The following ANXA13 variants were observed in gnomAD, a reference collection of about 807,000 sequenced individuals.
ANXA13 encodes annexin A13, also known as annexin XIII.
ANXA13 carries 36 observed loss-of-function variants against 46.6 expected under a neutral mutation model. The observed-to-expected ratio is 0.77, with a 90% CI of 0.59 to 1.02. The LOEUF (loss-of-function observed/expected upper bound fraction) is 1.02, where lower values mean the gene tolerates loss of function less well. Among genes scored for constraint, ANXA13 ranks in the 50% least tolerant of loss-of-function variants. The pLI, the probability that ANXA13 is intolerant of heterozygous loss-of-function variation, is 0.00. For missense variants in ANXA13, 417 were observed against 396.5 expected (o/e 1.05, Z -0.44); for synonymous variants, 163 against 152.9 (o/e 1.07, Z -0.49).
chr8:123,689,443 G>C (rs1034890414), intron 8 of ANXA13, among the ~76,000 whole-genome samples: 2 of 151,918 alleles, frequency 1.3e-5, no homozygotes, highest in Non-Finnish European at 2.9e-5. Context: ...CTTAGTCACA[G>C]TTTGAGTGAA....
chr8:123,684,508 T>G, intron 10 of ANXA13, 102 bp downstream of exon 10: 2 of 792,458 alleles, frequency 2.5e-6, no homozygotes, highest in East Asian at 2.5e-5. Context: ...CTGTTTTACT[T>G]TTTCTGTAAA....
intron 1 of ANXA13, among the ~76,000 whole-genome samples, chr8:123,714,858 G>A (rs1425145057): frequency 6.6e-6 from 1 of 152,228 alleles, no homozygotes; most frequent in Non-Finnish European, 1.5e-5. Flanking sequence ...GGCATTACTA[G>A]TCTGCCTTCC....
intron 1 of ANXA13, among the ~76,000 whole-genome samples, chr8:123,734,561 G>C (rs1289959373): frequency 6.6e-6 from 1 of 151,966 alleles, no homozygotes; most frequent in Non-Finnish European, 1.5e-5. Context: ...ATTGAGGATA[G>C]CACAAAAGTA....
chr8:123,702,629 C>T lies in ANXA13; in HGVS notation c.186+13G>A. ...TGGCTGGGTGCAAGCTTGCTGACCA[C>T]CCCTGGAATCACCTTGCCGTACGTT... On this transcript the variant is annotated intron_variant, in intron 3 of 10. Transcript: ENST00000419625. The T allele has an allele frequency of 6.2e-7, 1 of 1,611,806 alleles. No individual in the cohort carries two copies. The highest frequency in any genetic ancestry group is 8.5e-7 in the Non-Finnish European group (1 of 1,177,908).
Position 123,698,401 on chromosome 8 carries a change from C to T in ANXA13, c.345G>A (p.Thr115=), listed in dbSNP as rs200326565. 29 of 1,614,086 alleles carry T rather than the reference C, an allele frequency of 1.8e-5. No individual in the cohort carries two copies. Among genetic ancestry groups the T allele is most frequent in the East Asian group, 1.1e-4 (5 of 44,872 alleles). The part of the protein sequence containing the change: ...DESVLIEVLC[T]RTNKEIIAIK... ...AGCTGGGACTGACCTTATTGGTCCT[C>T]GTGCACAGGACCTCAATGAGGACGG... The change falls in exon 4 of 11, where the codon ACG becomes ACA. Residue 115 remains threonine (T), a synonymous_variant. Transcript: ENST00000419625.
intron 1 of ANXA13, among the ~76,000 whole-genome samples, chr8:123,720,997 C>A (rs950055949): frequency 7.9e-5 from 12 of 152,154 alleles, no homozygotes; most frequent in Non-Finnish European, 1.5e-5. Flanking sequence ...TCTTGCGTAA[C>A]CAAAACTTTG....
At position 123,684,518 on chromosome 8, in the gene ANXA13, A is replaced by C. The variant is rs74803977; in HGVS notation, c.831+92T>G. 3.5e-6 allele frequency: 3 copies of C among 863,750 alleles called. No homozygotes were observed. The African/African-American group carries it at 5.1e-5, about 15-fold the overall frequency. 53.5% of individuals were successfully genotyped at this position (863,750 alleles called of 1,614,324 possible). A position where few individuals can be genotyped will look rare whatever the true frequency, so the allele number is the denominator to read the frequency against. On this transcript the variant is annotated intron_variant, in intron 10 of 10. Coordinates refer to ENST00000419625, the MANE Select transcript of ANXA13 (RefSeq NM_004306.4). ...CGTCTCTGTTTTACTTTTTCTGTAA[A>C]TAGGCCCTTAATAGAAACTATTTGT...
At chr8:123,705,595 C>T (rs1327811329) in intron 2 of ANXA13, among the ~76,000 whole-genome samples, 1 of 152,220 alleles carries the variant, frequency 6.6e-6, no homozygotes, top group African/African-American at 2.4e-5. Context: ...GAGCCCGACA[C>T]CTGGGCTCTA....
intron 1 of ANXA13, among the ~76,000 whole-genome samples, chr8:123,732,372 T>A (rs1814134946): frequency 6.6e-6 from 1 of 152,226 alleles, no homozygotes; most frequent in East Asian, 1.9e-4. Context: ...GCCCACAGTC[T>A]AGTAAGCACT....
Position 123,690,467 on chromosome 8 carries a change from A to G in ANXA13, c.643-1521T>C, listed in dbSNP as rs1285507181. ...CAGGAGGCGCTATTCACACACTGCA[A>G]CAAGAAGGTACTGCCCTGTCTGCTT... On this transcript the variant is annotated intron_variant, in intron 8 of 10. Coordinates refer to ENST00000419625, the MANE Select transcript of ANXA13 (RefSeq NM_004306.4). The surrounding 1 kb of genome is among the most constrained non-coding windows in gnomAD (Gnocchi z 4.6). Among the ~76,000 whole-genome samples the G allele has an allele frequency of 6.6e-6, 1 of 152,174 alleles. No homozygotes were observed. Among genetic ancestry groups the G allele is most frequent in the Non-Finnish European group, 1.5e-5 (1 of 68,028 alleles).
chr8:123,709,308 T>TCTCC (rs1352851434), intron 2 of ANXA13, among the ~76,000 whole-genome samples: 3 of 152,092 alleles, frequency 2.0e-5, no homozygotes, highest in African/African-American at 7.2e-5. Flanking sequence ...GCACATTCAC[T>TCTCC]CTCCCTCCCT....
chr8:123,692,535 A>T (rs1372800970), intron 8 of ANXA13, among the ~76,000 whole-genome samples: 1 of 152,202 alleles, frequency 6.6e-6, no homozygotes. Flanking sequence ...GCTTAAATTT[A>T]TCCTGGGATT....
intron 2 of ANXA13, among the ~76,000 whole-genome samples, chr8:123,703,517 T>G (rs1395322689): frequency 6.6e-6 from 1 of 152,192 alleles, no homozygotes; most frequent in African/African-American, 2.4e-5. Context: ...ATATCTCAAT[T>G]AAAATGTTTT....
intron 6 of ANXA13, 131 bp from the exon 7 acceptor site, chr8:123,693,910 G>A: frequency 2.5e-6 from 2 of 788,460 alleles, no homozygotes; most frequent in South Asian, 3.2e-5. Flanking sequence ...GCCTGGCAAG[G>A]AGGAAACACC....
chr8:123,690,575 G>C lies in ANXA13; in HGVS notation c.643-1629C>G, dbSNP rs1221269020. ...ACAATGGTCTGGCCCAAGCTGTTGG[G>C]ACTGTACTTTGGATACTTCTCACTT... is the stretch of plus-strand genomic sequence containing the variant. On this transcript the variant is annotated intron_variant, in intron 8 of 10. Transcript: ENST00000419625. The surrounding 1 kb of genome is among the most constrained non-coding windows in gnomAD (Gnocchi z 4.6). Among the ~76,000 whole-genome samples the C allele has an allele frequency of 6.6e-6, 1 of 152,212 alleles. No individual in the cohort carries two copies. The highest frequency in any genetic ancestry group is 1.9e-4 in the East Asian group (1 of 5,202).
intron 6 of ANXA13, 25 bp downstream of exon 6, chr8:123,695,477 A>C (rs1248078734): frequency 6.3e-7 from 1 of 1,582,684 alleles, no homozygotes; most frequent in Admixed American, 1.7e-5. Context: ...AGATGATAAA[A>C]CAGGTGACAC....
In ANXA13 at chr8:123,722,374, G is replaced by GAAAGAAAGAAAGAAAGAA. The variant is rs1813897073; in HGVS notation, c.16-9639_16-9622dup. 5.4e-5 allele frequency among the ~76,000 whole-genome samples: 6 copies of GAAAGAAAGAAAGAAAGAA among 110,594 alleles called. No individual in the cohort carries two copies. The South Asian group carries it at 1.4e-3, about 26-fold the overall frequency. The allele number at this position is 110,594 out of a possible 152,430, so 72.6% of individuals were successfully genotyped here. ...AGAAAGAAAGAAAGAAAGAAAGAAA[G>GAAAGAAAGAAAGAAAGAA]AAAGAAAGAAAGAAAGAAAGAAAAG... On this transcript the variant is annotated intron_variant, in intron 1 of 10. Coordinates refer to ENST00000419625, the MANE Select transcript of ANXA13 (RefSeq NM_004306.4).
At chr8:123,710,579 C>T (rs749752627) in intron 2 of ANXA13, among the ~76,000 whole-genome samples, 6 of 152,226 alleles carry the variant, frequency 3.9e-5, no homozygotes, top group Admixed American at 6.5e-5. Context: ...GTTAATGACA[C>T]TGAGCAATGT....
chr8:123,725,886 G>T (rs996366222), intron 1 of ANXA13, among the ~76,000 whole-genome samples: 2 of 152,208 alleles, frequency 1.3e-5, no homozygotes, highest in Non-Finnish European at 2.9e-5. Context: ...TGTTGGGAAA[G>T]TGTGTTAGGA....
Sources: gnomAD v4.1 joint callset for allele counts (sites outside exome capture counted in the v4.1 genomes callset) on GRCh38, gnomAD v4.1.1 for gene constraint, Gnocchi (gnomAD v3.1) non-coding constraint, MANE v1.5 for transcripts, NCBI Gene and HGNC (gene_info 2026-07-23, HGNC 2026-07-21) for gene names.